CNTN4: variants seen among roughly 807,000 people sequenced by gnomAD.
CNTN4 encodes the protein contactin 4, also known as contactin-4.
CNTN4 carries 77 observed loss-of-function variants against 122.5 expected under a neutral mutation model. The observed-to-expected ratio is 0.63, with a 90% CI of 0.52 to 0.76. The LOEUF is 0.76. Ranked by LOEUF, CNTN4 falls within the 30% of genes least tolerant of loss-of-function variation. The probability of loss-of-function intolerance (pLI) is 0.00; values close to 1 mark genes in which losing one functional copy is unlikely to be tolerated. For missense variants in CNTN4, 1,256 were observed against 1,259.1 expected, an observed-to-expected ratio of 1.00 and a Z score of 0.04; for synonymous variants, 512 against 447.0, an observed-to-expected ratio of 1.15 and a Z score of -1.83.
At chr3:2,124,021 C>A (rs1203726569) in intron 2 of CNTN4, among the ~76,000 whole-genome samples, 1 of 152,142 alleles carries the variant, frequency 6.6e-6, no homozygotes, top group African/African-American at 2.4e-5. Flanking sequence ...TCTAGCAATT[C>A]CACAAAGACA....
intron 14 of CNTN4, among the ~76,000 whole-genome samples, chr3:2,989,792 G>A (rs1252688654): frequency 1.3e-5 from 2 of 152,194 alleles, no homozygotes; most frequent in African/African-American, 4.8e-5. Context: ...GTTCTAGCTA[G>A]AGGTTTTTGC....
intron 2 of CNTN4, chr3:2,238,942 G>C (rs982539374): frequency 7.0e-6 from 1 of 142,772 alleles, no homozygotes. Flanking sequence ...AGCCAGGATG[G>C]TCTCGATCTC....
chr3:3,040,584 G>T (rs1365325016), intron 20 of CNTN4, among the ~76,000 whole-genome samples: 1 of 152,030 alleles, frequency 6.6e-6, no homozygotes. Flanking sequence ...TTTTATTTTT[G>T]CCTTTAAGTG....
intron 4 of CNTN4, among the ~76,000 whole-genome samples, chr3:2,616,237 C>T (rs2081731321): frequency 6.6e-6 from 1 of 151,240 alleles, no homozygotes; most frequent in Non-Finnish European, 1.5e-5. Context: ...TGAGTGAGAA[C>T]ATGCGGTATT....
chr3:2,766,739 T>G (rs1043638763), intron 6 of CNTN4, among the ~76,000 whole-genome samples: 1 of 152,046 alleles, frequency 6.6e-6, no homozygotes, highest in South Asian at 2.1e-4. Flanking sequence ...CCCCAAATCC[T>G]ATGGAAATAA....
intron 3 of CNTN4, among the ~76,000 whole-genome samples, chr3:2,411,535 G>GT (rs2047227838): frequency 1.3e-5 from 2 of 152,048 alleles, no homozygotes; most frequent in Non-Finnish European, 2.9e-5. Flanking sequence ...GCCCTGTTTA[G>GT]TTTTTTGGAA....
intron 3 of CNTN4, among the ~76,000 whole-genome samples, chr3:2,521,821 G>A (rs1316693960): frequency 6.6e-6 from 1 of 151,890 alleles, no homozygotes; most frequent in Non-Finnish European, 1.5e-5. Context: ...GTAGATGACA[G>A]CTTTGTCTTT....
intron 2 of CNTN4, among the ~76,000 whole-genome samples, chr3:2,233,528 A>G (rs1276313415): frequency 6.6e-6 from 1 of 152,188 alleles, no homozygotes; most frequent in East Asian, 1.9e-4. Flanking sequence ...TAATTTAGGA[A>G]TAATAGTATT....
intron 10 of CNTN4, among the ~76,000 whole-genome samples, chr3:2,900,238 C>T (rs1187289506): frequency 6.6e-6 from 1 of 152,184 alleles, no homozygotes; most frequent in South Asian, 2.1e-4. Context: ...GTTGCTCTCA[C>T]CACTTTCACA....
chr3:2,149,877 C>T (rs1199863636), intron 2 of CNTN4, among the ~76,000 whole-genome samples: 1 of 151,864 alleles, frequency 6.6e-6, no homozygotes, highest in East Asian at 1.9e-4. Context: ...TAACCAGAGG[C>T]CTGACCAATG....
chr3:2,969,022 G>A (rs753166774), intron 13 of CNTN4, among the ~76,000 whole-genome samples: 49 of 151,600 alleles, frequency 3.2e-4, no homozygotes, highest in Admixed American at 1.3e-3. Flanking sequence ...AGTGTACAAC[G>A]CAATGATTTT....
At chr3:2,793,971 T>C (rs1576816288) in intron 6 of CNTN4, among the ~76,000 whole-genome samples, 1 of 152,218 alleles carries the variant, frequency 6.6e-6, no homozygotes, top group Non-Finnish European at 1.5e-5. Flanking sequence ...CCATGATTAG[T>C]TGGAAATACC....
intron 14 of CNTN4, among the ~76,000 whole-genome samples, chr3:3,003,276 G>A (rs1353842339): frequency 1.3e-5 from 2 of 151,674 alleles, no homozygotes; most frequent in Non-Finnish European, 2.9e-5. Flanking sequence ...AGAAGGCAAG[G>A]AAAACTTGTA....
At chr3:2,345,765 C>T (rs367701175) in intron 3 of CNTN4, among the ~76,000 whole-genome samples, 9 of 152,054 alleles carry the variant, frequency 5.9e-5, no homozygotes, top group Non-Finnish European at 1.3e-4. Context: ...CTTATAGTTC[C>T]GCACCACAAC....
intron 3 of CNTN4, among the ~76,000 whole-genome samples, chr3:2,400,916 T>A (rs1300961975): frequency 6.6e-6 from 1 of 151,824 alleles, no homozygotes; most frequent in Non-Finnish European, 1.5e-5. Context: ...TTAACCCTCT[T>A]GGGGAACATC....
At chr3:2,928,102 G>T (rs186906300) in intron 13 of CNTN4, among the ~76,000 whole-genome samples, 1 of 152,324 alleles carries the variant, frequency 6.6e-6, no homozygotes, top group East Asian at 1.9e-4. Flanking sequence ...CACAGGTCAG[G>T]TGCCTGCTCA....
At chr3:2,440,274 C>G (rs183076042) in intron 3 of CNTN4, among the ~76,000 whole-genome samples, 1 of 152,266 alleles carries the variant, frequency 6.6e-6, no homozygotes, top group Admixed American at 6.5e-5. Context: ...AACCAGATCA[C>G]TTTTTAGTTT....
intron 6 of CNTN4, among the ~76,000 whole-genome samples, chr3:2,801,588 G>A (rs2092348115): frequency 6.6e-6 from 1 of 152,066 alleles, no homozygotes; most frequent in Admixed American, 6.5e-5. Context: ...ATTAAAACAT[G>A]GGTCCCTGTT....
intron 4 of CNTN4, among the ~76,000 whole-genome samples, chr3:2,658,333 T>G (rs2083694988): frequency 6.6e-6 from 1 of 152,020 alleles, no homozygotes; most frequent in Admixed American, 6.6e-5. Flanking sequence ...TTACTCACAC[T>G]TCAAACCGTC....
Sources: gnomAD v4.1 joint callset for allele counts (sites outside exome capture counted in the v4.1 genomes callset) on GRCh38, gnomAD v4.1.1 for gene constraint, MANE v1.5 for transcripts, NCBI Gene and HGNC (gene_info 2026-07-23, HGNC 2026-07-21) for gene names.